HTR4: variants seen among roughly 807,000 people sequenced by gnomAD.
HTR4 encodes 5-hydroxytryptamine (serotonin) receptor 4, G protein-coupled.
A neutral mutation model predicts 36.8 loss-of-function variants in HTR4; 16 were observed. That is an observed-to-expected ratio of 0.43 (90% CI 0.29 to 0.66). The LOEUF is 0.66. Among genes scored for constraint, HTR4 ranks in the 30% least tolerant of loss-of-function variants. The pLI, the probability that HTR4 is intolerant of heterozygous loss-of-function variation, is 0.13. For missense variants in HTR4, 438 were observed against 490.9 expected, an observed-to-expected ratio of 0.89 and a Z score of 1.02; for synonymous variants, 189 against 185.1, an observed-to-expected ratio of 1.02 and a Z score of -0.17.
At position 148,549,198 on chromosome 5, in the gene HTR4, C is replaced by T. The variant is rs137923049; in HGVS notation, c.153-330G>A. On this transcript the variant is annotated intron_variant, in intron 3 of 6. Coordinates refer to ENST00000377888, the MANE Select transcript of HTR4 (RefSeq NM_000870.7). Reference sequence around the variant, plus strand: ...TGCACATATAGGTCCCTTTTGAGGGCCAATGCAGATGTTCTTTCTTCCAAC... The same window carrying T: ...TGCACATATAGGTCCCTTTTGAGGGTCAATGCAGATGTTCTTTCTTCCAAC... Among the ~76,000 whole-genome samples the T allele has an allele frequency of 9.8e-4, 149 of 152,264 alleles. 1 individual carries two copies. Among genetic ancestry groups the T allele is most frequent in the African/African-American group, 3.5e-3 (145 of 41,538 alleles).
intron 2 of HTR4, among the ~76,000 whole-genome samples, chr5:148,571,307 G>A (rs1204376958): frequency 1.3e-5 from 2 of 152,048 alleles, no homozygotes; most frequent in Non-Finnish European, 2.9e-5. Flanking sequence ...ACATGTCTGC[G>A]TTAGACTTTG....
intron 1 of HTR4, among the ~76,000 whole-genome samples, chr5:148,647,742 G>A (rs923486610): frequency 5.9e-5 from 9 of 152,182 alleles, no homozygotes; most frequent in East Asian, 1.9e-4. Flanking sequence ...CCAGCTACTC[G>A]GGCGGCTGAA....
intron 6 of HTR4, among the ~76,000 whole-genome samples, chr5:148,506,525 G>T (rs1397316327): frequency 6.6e-6 from 1 of 152,084 alleles, no homozygotes; most frequent in Non-Finnish European, 1.5e-5. Flanking sequence ...TGACAAATGG[G>T]ATCTAATTAA....
At chr5:148,562,067 C>A (rs1168972577) in intron 2 of HTR4, among the ~76,000 whole-genome samples, 2 of 152,212 alleles carry the variant, frequency 1.3e-5, no homozygotes, top group Non-Finnish European at 2.9e-5. Flanking sequence ...CAATTTTATG[C>A]TGTTGCAGGA....
At chr5:148,566,588 T>C (rs1443799927) in intron 2 of HTR4, among the ~76,000 whole-genome samples, 1 of 152,152 alleles carries the variant, frequency 6.6e-6, no homozygotes, top group African/African-American at 2.4e-5. Flanking sequence ...GAGACCCAGC[T>C]TGAGGAGCTC....
chr5:148,552,544 G>A (rs1335100484), intron 2 of HTR4, among the ~76,000 whole-genome samples: 1 of 152,080 alleles, frequency 6.6e-6, no homozygotes, highest in Non-Finnish European at 1.5e-5. Flanking sequence ...CCACCCCCAG[G>A]GCCTCTGTAT....
Position 148,638,389 on chromosome 5 carries a change from C to A in HTR4, c.-47-1328G>T, listed in dbSNP as rs151215241. On this transcript the variant is annotated intron_variant, in intron 1 of 6. Transcript: ENST00000377888. ...GCTGGAAATATACAAGTACAAAGCC[C>A]TAACTATCGAAGTGACAGGTCTCAA... Among the ~76,000 whole-genome samples the A allele has an allele frequency of 3.2e-3, 492 of 152,300 alleles. 2 individuals carry two copies. Among genetic ancestry groups the A allele is most frequent in the Non-Finnish European group, 6.3e-3 (429 of 68,024 alleles).
chr5:148,572,031 T>C (rs1191369091), intron 2 of HTR4, among the ~76,000 whole-genome samples: 2 of 152,116 alleles, frequency 1.3e-5, no homozygotes, highest in Non-Finnish European at 2.9e-5. Context: ...TTCTATGTGC[T>C]AGAAATGCTG....
chr5:148,612,374 T>C (rs1292384029), intron 2 of HTR4, among the ~76,000 whole-genome samples: 14 of 149,988 alleles, frequency 9.3e-5, no homozygotes, highest in Non-Finnish European at 1.5e-4. Flanking sequence ...ATTAAGAATC[T>C]CACTCAAAAC....
chr5:148,612,767 A>C (rs1205586740), intron 2 of HTR4, among the ~76,000 whole-genome samples: 3 of 144,122 alleles, frequency 2.1e-5, no homozygotes, highest in African/African-American at 7.8e-5. Context: ...GATCAACAAA[A>C]TTGATAGACC....
rs71001490 is a variant in HTR4, at chr5:148,463,165, C to CTTTTTTTTTTTTTTTTTTTTTTTT, written c.1077-11917_1077-11894dup. Among the ~76,000 whole-genome samples, 8 of 64,152 alleles carry CTTTTTTTTTTTTTTTTTTTTTTTT rather than the reference C, an allele frequency of 1.2e-4. 1 individual carries two copies. The highest frequency in any genetic ancestry group is 5.3e-4 in the Admixed American group (2 of 3,804). 42.1% of individuals were successfully genotyped at this position (64,152 alleles called of 152,430 possible). On this transcript the variant is annotated intron_variant, in intron 5 of 5. Transcript: ENST00000521530. ...CTTTGCTTTTCATTTCTTTTTTTTT[C>CTTTTTTTTTTTTTTTTTTTTTTTT]TTTTTTTTTTTTTTTTTTTTTTTTT... is the stretch of plus-strand genomic sequence containing the variant.
intron 2 of HTR4, among the ~76,000 whole-genome samples, chr5:148,562,373 G>T (rs1282599955): frequency 6.6e-6 from 1 of 152,170 alleles, no homozygotes; most frequent in African/African-American, 2.4e-5. Flanking sequence ...CCTAAAAGGA[G>T]CCTATTTACT....
chr5:148,611,398 C>T (rs1346310200), intron 2 of HTR4, among the ~76,000 whole-genome samples: 1 of 148,526 alleles, frequency 6.7e-6, no homozygotes, highest in African/African-American at 2.5e-5. Context: ...AAAGAATTTT[C>T]AACCCAGAAT....
chr5:148,613,614 C>T (rs1044443408), intron 2 of HTR4, among the ~76,000 whole-genome samples: 1 of 150,294 alleles, frequency 6.7e-6, no homozygotes, highest in African/African-American at 2.4e-5. Context: ...CCTTTGAAAA[C>T]TGGCACAAGA....
At chr5:148,536,164 T>G (rs935793841) in intron 4 of HTR4, among the ~76,000 whole-genome samples, 1 of 152,150 alleles carries the variant, frequency 6.6e-6, no homozygotes, top group Non-Finnish European at 1.5e-5. Flanking sequence ...AGAAATAAGA[T>G]TCTTTTCAGA....
intron 5 of HTR4, among the ~76,000 whole-genome samples, chr5:148,516,312 C>CT (rs954784476): frequency 0.058 from 4,470 of 76,450 alleles, 236 homozygotes; most frequent in Non-Finnish European, 0.071. Flanking sequence ...ATTCCCCCCT[C>CT]TTTTTTTTTT....
intron 5 of HTR4, among the ~76,000 whole-genome samples, chr5:148,514,042 T>C (rs1757619479): frequency 2.0e-5 from 3 of 152,208 alleles, no homozygotes; most frequent in East Asian, 3.9e-4. Context: ...GAAATACTCA[T>C]ATGATCTGCA....
chr5:148,564,389 C>A (rs1760348559), intron 2 of HTR4, among the ~76,000 whole-genome samples: 1 of 152,166 alleles, frequency 6.6e-6, no homozygotes. Flanking sequence ...TATATCATAG[C>A]TTTTATCACC....
In HTR4 at chr5:148,509,720, C is replaced by A; in HGVS notation, c.812G>T (p.Cys271Phe). Residue 271 changes from cysteine (C) to phenylalanine (F), a missense_variant, in exon 6 of 7, where the codon TGC becomes TTC. Coordinates refer to ENST00000377888, the MANE Select transcript of HTR4 (RefSeq NM_000870.7). Reference sequence around the variant, plus strand: ...ATTGGTGACAAAGAATGGTGCCCAGCAGAGGCAGAAGCAACCCATGATGAT... The same window carrying A: ...ATTGGTGACAAAGAATGGTGCCCAGAAGAGGCAGAAGCAACCCATGATGAT... Reference protein sequence around the residue: ...LCIIMGCFCLCWAPFFVTNIV... With the variant: ...LCIIMGCFCLFWAPFFVTNIV... 6.2e-7 allele frequency: 1 copy of A among 1,614,100 alleles called. No homozygotes were observed. Among genetic ancestry groups the A allele is most frequent in the Non-Finnish European group, 8.5e-7 (1 of 1,180,010 alleles).
Sources: allele counts gnomAD v4.1 joint callset (sites outside exome capture counted in the v4.1 genomes callset), GRCh38; gene constraint gnomAD v4.1.1; transcripts MANE v1.5; gene names NCBI Gene and HGNC (gene_info 2026-07-23, HGNC 2026-07-21).